Variants in IDUA observed in about 807,000 individuals in gnomAD.
IDUA encodes iduronidase alpha-L-.
IDUA carries 65 observed loss-of-function variants against 68.9 expected under a neutral mutation model. The ratio of observed to expected loss-of-function variants is 0.94; its 90% CI spans 0.77 to 1.16. IDUA has a LOEUF of 1.16. IDUA is among the 50% of genes most tolerant of loss of function. The pLI, the probability that IDUA is intolerant of heterozygous loss-of-function variation, is 0.00. For synonymous variants in IDUA, 529 were observed against 433.6 expected, an observed-to-expected ratio of 1.22 and a Z score of -2.73; for missense variants, 1,046 against 938.0, an observed-to-expected ratio of 1.12 and a Z score of -1.50.
rs6829789 is a variant in IDUA at position 1,001,634 on chromosome 4, G to T, written c.590-45G>T. On this transcript the variant is annotated intron_variant, in intron 5 of 13. Transcript: ENST00000514224. ...GGAAGGCAGGAGCAGAGGCTAAGCC[G>T]CTCATCCCCAGGGCAGGTGTAGACG... The T allele has an allele frequency of 8.7e-6, 14 of 1,606,136 alleles. 1 individual carries two copies. The African/African-American group carries it at 1.7e-4, about 20-fold the overall frequency.
At position 1,004,203 on chromosome 4, in the gene IDUA, A is replaced by G; in HGVS notation, c.1829-57A>G. 8.7e-6 allele frequency: 14 copies of G among 1,610,884 alleles called. No individual in the cohort carries two copies. The highest frequency in any genetic ancestry group is 1.2e-5 in the Non-Finnish European group (14 of 1,179,812). Reference sequence around the variant, plus strand: ...TGGGGGCCTCGAGAAGCCTGGGGTCAGGGGGCTTTCGGGTGGGGGCAGGTT... The same window carrying G: ...TGGGGGCCTCGAGAAGCCTGGGGTCGGGGGGCTTTCGGGTGGGGGCAGGTT... On this transcript the variant is annotated intron_variant, in intron 13 of 13. Transcript: ENST00000514224. This position sits in a 1 kb window ranked among gnomAD's most constrained non-coding sequence, Gnocchi z 5.0.
intron 2 of IDUA, chr4:990,120 C>T: frequency 6.3e-7 from 1 of 1,578,730 alleles, no homozygotes; most frequent in Non-Finnish European, 8.6e-7. Context: ...CGGCTAGCAG[C>T]ACCGCCAGGC....
At chr4:1,001,415 G>A in intron 4 of IDUA, 53 bp from the exon 5 acceptor site, 2 of 1,440,796 alleles carry the variant, frequency 1.4e-6, no homozygotes, top group East Asian at 2.3e-5. Flanking sequence ...CTCCGTGGGA[G>A]TCACTGAGGC....
intron 2 of IDUA, among the ~76,000 whole-genome samples, chr4:995,763 G>T (rs1006625830): frequency 5.3e-5 from 8 of 152,242 alleles, no homozygotes; most frequent in Non-Finnish European, 1.0e-4. Context: ...ACCTCCTTGT[G>T]GAAGCCGTCT....
At chr4:996,489 C>T (rs1191108259) in intron 2 of IDUA, among the ~76,000 whole-genome samples, 3 of 152,214 alleles carry the variant, frequency 2.0e-5, no homozygotes, top group African/African-American at 7.2e-5. Flanking sequence ...TGGCCCTTCC[C>T]CCCTCAGGAA....
chr4:1,004,322 C>T lies in IDUA; in HGVS notation c.1891C>T (p.Pro631Ser). 3.1e-6 allele frequency: 5 copies of T among 1,611,732 alleles called. No homozygotes were observed. Among genetic ancestry groups the T allele is most frequent in the Non-Finnish European group, 4.2e-6 (5 of 1,179,912 alleles). ...CCTGGACTACTGGGCCCGACCAGGC[C>T]CCTTCTCGGACCCTGTGCCGTACCT... Reference protein sequence around the residue: ...RALDYWARPGPFSDPVPYLEV... With the variant: ...RALDYWARPGSFSDPVPYLEV... Residue 631 changes from proline to serine, a missense_variant, in exon 14 of 14, where the codon CCC becomes TCC. Pro to Ser is a moderately conservative substitution (Grantham distance 74). Transcript: ENST00000514224. The surrounding 1 kb of genome is among the most constrained non-coding windows in gnomAD (Gnocchi z 5.0).
chr4:1,002,400 C>A lies in IDUA; in HGVS notation c.1104C>A (p.Arg368=). The change falls in exon 8 of 14, where the codon CGC becomes CGA. Residue 368 remains arginine, a synonymous_variant. Transcript: ENST00000514224. ...TCGCGCAGCGCACGCTCACCGCGCGCTTCCAGGTCAACAACACCCGCCCGC... is the reference window on the plus strand; with the variant it reads ...TCGCGCAGCGCACGCTCACCGCGCGATTCCAGGTCAACAACACCCGCCCGC... The part of the protein sequence containing the change: ...HPFAQRTLTA[R]FQVNNTRPPH... 1 of 1,599,994 alleles carries A rather than the reference C, an allele frequency of 6.3e-7. No homozygotes were observed. Among genetic ancestry groups the A allele is most frequent in the East Asian group, 2.3e-5 (1 of 43,966 alleles).
In IDUA at chr4:989,247, C is replaced by T. The variant is rs779043820; in HGVS notation, c.299+1298C>T. 21 of 1,612,494 alleles carry T rather than the reference C, an allele frequency of 1.3e-5. No homozygotes were observed. The highest frequency in any genetic ancestry group is 4.5e-5 in the East Asian group (2 of 44,886). ...TCCTGGCAGCCATGCACCCTGCGTC[C>T]AGCCCCGTGAGGCTGTAGAGTGACT... is the stretch of plus-strand genomic sequence containing the variant. On this transcript the variant is annotated intron_variant, in intron 2 of 13. Coordinates refer to ENST00000514224, the MANE Select transcript of IDUA (RefSeq NM_000203.5).
rs773337787 is a variant in IDUA, at chr4:1,004,036, G to C, written c.1752G>C (p.Gln584His). ...GGTGCCTGTGGACATACGAGATCCA[G>C]TTCTCTCAGGACGGTAAGGCGTACA... ...GSKCLWTYEIQFSQDGKAYTP... is the reference protein window; with the variant it reads ...GSKCLWTYEIHFSQDGKAYTP... Residue 584 changes from glutamine to histidine, a missense_variant, in exon 13 of 14, where the codon CAG (glutamine) becomes CAC (histidine). Transcript: ENST00000514224. The surrounding 1 kb of genome is among the most constrained non-coding windows in gnomAD (Gnocchi z 5.0). 6.2e-7 allele frequency: 1 copy of C among 1,612,178 alleles called. No individual in the cohort carries two copies. The highest frequency in any genetic ancestry group is 8.5e-7 in the Non-Finnish European group (1 of 1,179,670).
rs765110155 is a variant in IDUA, at chr4:1,001,797, C to A, written c.708C>A (p.Gly236=). Residue 236 remains glycine (G), a synonymous_variant, in exon 6 of 14, where the codon GGC becomes GGA. Transcript: ENST00000514224. The part of the protein sequence containing the change: ...HTPPRSPLSW[G]LLRHCHDGTN... Reference sequence around the variant, plus strand: ...CACCGCGATCCCCGCTGAGCTGGGGCCTCCTGCGCCACTGCCACGACGGTA... The same window carrying A: ...CACCGCGATCCCCGCTGAGCTGGGGACTCCTGCGCCACTGCCACGACGGTA... 10 of 1,604,136 alleles carry A rather than the reference C, an allele frequency of 6.2e-6. No homozygotes were observed. The East Asian group carries it at 2.0e-4, about 32-fold the overall frequency.
At chr4:988,060 A>G (rs1421848695) in intron 2 of IDUA, 111 bp downstream of exon 2, 4 of 1,473,938 alleles carry the variant, frequency 2.7e-6, no homozygotes, top group Non-Finnish European at 3.6e-6. Context: ...CTCCCGCCGA[A>G]GCACCCTGTT....
At chr4:990,608 C>T (rs554887339) in intron 2 of IDUA, 23 of 547,102 alleles carry the variant, frequency 4.2e-5, no homozygotes, top group South Asian at 1.2e-4. Context: ...GCCATAGACA[C>T]GTCTAACCCT....
At chr4:1,001,927 C>T (rs1715107227) in intron 6 of IDUA, 46 bp downstream of exon 6, 2 of 1,568,930 alleles carry the variant, frequency 1.3e-6, no homozygotes, top group Admixed American at 1.9e-5. Context: ...CGCCCTCAGC[C>T]GCTGTGCCCC....
chr4:989,196 C>A, intron 2 of IDUA: 1 of 1,607,708 alleles, frequency 6.2e-7, no homozygotes, highest in Non-Finnish European at 8.5e-7. Context: ...CCTCACCGAC[C>A]CCCGTCTCTG....
intron 2 of IDUA, chr4:989,523 C>G: frequency 6.4e-7 from 1 of 1,554,572 alleles, no homozygotes; most frequent in Non-Finnish European, 8.7e-7. Flanking sequence ...CTGCCCAGAC[C>G]AGCGCGTCAG....
chr4:987,070 C>CGAG lies in IDUA; in HGVS notation c.-14_-12dup. 6.6e-7 allele frequency: 1 copy of CGAG among 1,505,790 alleles called. No homozygotes were observed. Among genetic ancestry groups the CGAG allele is most frequent in the Non-Finnish European group, 8.8e-7 (1 of 1,135,876 alleles). 93.3% of individuals were successfully genotyped at this position (1,505,790 alleles called of 1,614,324 possible). On this transcript the variant is annotated 5_prime_UTR_variant, in exon 1 of 14. Transcript: ENST00000514224. Reference sequence around the variant, plus strand: ...GTGCAGCCCGAAGCCCCGCAGTCCCCGAGCACGCGTGGCCATGCGTCCCCT... The same window carrying CGAG: ...GTGCAGCCCGAAGCCCCGCAGTCCCCGAGGAGCACGCGTGGCCATGCGTCCCCT...
intron 2 of IDUA, among the ~76,000 whole-genome samples, chr4:996,407 G>C (rs1317957368): frequency 6.6e-6 from 1 of 152,230 alleles, no homozygotes; most frequent in Non-Finnish European, 1.5e-5. Flanking sequence ...TGGGGCACCT[G>C]GTGCAGACGC....
intron 2 of IDUA, among the ~76,000 whole-genome samples, chr4:997,508 G>C (rs1577532538): frequency 6.6e-6 from 1 of 150,706 alleles, no homozygotes; most frequent in Admixed American, 6.6e-5. Context: ...GGGACGTGGG[G>C]ACCCGGGCGG....
chr4:997,505 G>A (rs541745312), intron 2 of IDUA, among the ~76,000 whole-genome samples: 10 of 150,936 alleles, frequency 6.6e-5, no homozygotes, highest in Non-Finnish European at 1.3e-4. Flanking sequence ...GCGGGGACGT[G>A]GGGACCCGGG....
Sources: gnomAD v4.1 joint callset for allele counts (sites outside exome capture counted in the v4.1 genomes callset) on GRCh38, gnomAD v4.1.1 for gene constraint, Gnocchi (gnomAD v3.1) non-coding constraint, MANE v1.5 for transcripts, NCBI Gene and HGNC (gene_info 2026-07-23, HGNC 2026-07-21) for gene names.